The following TMEM38A variants were observed in gnomAD, a reference collection of about 807,000 sequenced individuals.
The protein encoded by TMEM38A is trimeric intracellular cation channel type A.
In TMEM38A, 17 loss-of-function variants were observed where a neutral mutation model predicts 28.6. That is an observed-to-expected ratio of 0.60 (90% confidence interval 0.41 to 0.89). TMEM38A has a LOEUF of 0.89. Among genes scored for constraint, TMEM38A ranks in the 40% least tolerant of loss-of-function variants. The probability of loss-of-function intolerance (pLI) is 0.00; values close to 1 mark genes in which losing one functional copy is unlikely to be tolerated. For missense variants in TMEM38A, 328 were observed against 393.1 expected (o/e 0.83, Z 1.40); for synonymous variants, 169 against 166.1 (o/e 1.02, Z -0.14).
chr19:16,686,278 C>G lies in TMEM38A; in HGVS notation c.555-10C>G. ...AGGCACCTCCCGGTAATGACAGCTG[C>G]TCCCTCCAGCCCCACCAAGGCCAGC... On this transcript the variant is annotated splice_polypyrimidine_tract_variant and intron_variant, in intron 4 of 5. Coordinates refer to ENST00000187762, the MANE Select transcript of TMEM38A (RefSeq NM_024074.4). 1.2e-6 allele frequency: 2 copies of G among 1,608,706 alleles called. No individual in the cohort carries two copies. The highest frequency in any genetic ancestry group is 4.5e-5 in the East Asian group (2 of 44,800).
At chr19:16,682,397 G>C (rs1399381499) in intron 3 of TMEM38A, 24 bp from the exon 4 acceptor site, 1 of 1,610,318 alleles carries the variant, frequency 6.2e-7, no homozygotes, top group Non-Finnish European at 8.5e-7. Flanking sequence ...TGGTGGGCTT[G>C]TTCAGAAGCA....
chr19:16,668,473 G>A (rs1344082936), intron 1 of TMEM38A, among the ~76,000 whole-genome samples: 1 of 151,216 alleles, frequency 6.6e-6, no homozygotes, highest in Non-Finnish European at 1.5e-5. Context: ...TGAACCTGGG[G>A]GGAGGCGGAG....
intron 5 of TMEM38A, among the ~76,000 whole-genome samples, chr19:16,686,808 C>T (rs543474951): frequency 1.2e-4 from 19 of 152,264 alleles, no homozygotes; most frequent in Non-Finnish European, 2.4e-4. Context: ...GGGCTGGGCT[C>T]TCTCCCTCTG....
intron 1 of TMEM38A, among the ~76,000 whole-genome samples, chr19:16,679,299 ATG>A (rs57623970): frequency 0.18 from 15,986 of 89,454 alleles, 2,073 homozygotes; most frequent in African/African-American, 0.41. Context: ...GTGTGTGTGT[ATG>A]TGTGTGTTTT....
intron 1 of TMEM38A, among the ~76,000 whole-genome samples, chr19:16,671,129 T>G (rs1469668491): frequency 1.3e-5 from 2 of 151,036 alleles, no homozygotes; most frequent in African/African-American, 2.4e-5. Context: ...GTTGAAAACC[T>G]ATTGGCTTCA....
chr19:16,665,300 A>T (rs1036260843), intron 1 of TMEM38A, among the ~76,000 whole-genome samples: 1 of 152,162 alleles, frequency 6.6e-6, no homozygotes, highest in African/African-American at 2.4e-5. Context: ...GTCTCAATAA[A>T]CAAATAAATA....
At position 16,680,136 on chromosome 19, in the gene TMEM38A, G is replaced by C. The variant is rs752727948; in HGVS notation, c.277G>C (p.Val93Leu). Residue 93 changes from valine to leucine, a missense_variant, in exon 2 of 6, where the codon GTC becomes CTC. By Grantham distance (32) the Val-to-Leu change is conservative. Coordinates refer to ENST00000187762, the MANE Select transcript of TMEM38A (RefSeq NM_024074.4). Reference sequence around the variant, plus strand: ...CTCCAGCATCCTGCTGGCCTCAGCTGTCTGGTAAGCCATGCTGGGCATGGG... The same window carrying C: ...CTCCAGCATCCTGCTGGCCTCAGCTCTCTGGTAAGCCATGCTGGGCATGGG... ...NNSSILLASA[V>L]WYLIFFCPLD... 1.2e-6 allele frequency: 2 copies of C among 1,607,746 alleles called. No homozygotes were observed. Among genetic ancestry groups the C allele is most frequent in the Non-Finnish European group, 1.7e-6 (2 of 1,179,840 alleles).
chr19:16,672,466 T>TTTTTTTTTTTTA (rs3067283), intron 1 of TMEM38A, among the ~76,000 whole-genome samples: 2 of 149,658 alleles, frequency 1.3e-5, no homozygotes, highest in Non-Finnish European at 1.5e-5. Context: ...TTTTTTTTTT[T>TTTTTTTTTTTTA]GAGGCAGAGT....
rs187830214 is a variant in TMEM38A at position 16,682,188 on chromosome 19, T to C, written c.467-233T>C. On this transcript the variant is annotated intron_variant, in intron 3 of 5. Coordinates refer to ENST00000187762, the MANE Select transcript of TMEM38A (RefSeq NM_024074.4). ...AAGACCTGCCTTGCAGGTGGGGACATGACTGATTCCTTTAGGTGGCTTTTG... is the reference window on the plus strand; with the variant it reads ...AAGACCTGCCTTGCAGGTGGGGACACGACTGATTCCTTTAGGTGGCTTTTG... Among the ~76,000 whole-genome samples, 143 of 152,190 alleles carry C rather than the reference T, an allele frequency of 9.4e-4. 1 individual carries two copies. Among genetic ancestry groups the C allele is most frequent in the Non-Finnish European group, 1.1e-3 (74 of 68,000 alleles).
intron 3 of TMEM38A, chr19:16,680,884 GT>G (rs1207680515): frequency 2.7e-6 from 1 of 368,080 alleles, no homozygotes; most frequent in Non-Finnish European, 5.1e-6. Flanking sequence ...ATTCTTTGTG[GT>G]GGGGGCTGCC....
rs1461896604 is a variant in TMEM38A, at chr19:16,688,245, C to G, written c.774C>G (p.His258Gln). ...GTTCGGCCTGCGGGGGTGACCATCA[C>G]CACGACAACCATGGTGGGTCCCACA... ...LFGSACGGDH[H>Q]HDNHGGSHSG... Residue 258 changes from histidine to glutamine, a missense_variant, in exon 6 of 6, where the codon CAC becomes CAG. Transcript: ENST00000187762. 6.2e-7 allele frequency: 1 copy of G among 1,600,280 alleles called. No homozygotes were observed. Among genetic ancestry groups the G allele is most frequent in the African/African-American group, 1.3e-5 (1 of 74,268 alleles).
At chr19:16,681,813 C>G (rs778228393) in intron 3 of TMEM38A, among the ~76,000 whole-genome samples, 1 of 152,120 alleles carries the variant, frequency 6.6e-6, no homozygotes, top group Admixed American at 6.6e-5. Context: ...GCCCCAGATG[C>G]GATTCCCTGG....
Position 16,661,869 on chromosome 19 carries a change from T to TA in TMEM38A, c.124+528_124+529insA, listed in dbSNP as rs2122569882. Among the ~76,000 whole-genome samples the TA allele has an allele frequency of 6.6e-6, 1 of 151,806 alleles. No individual in the cohort carries two copies. Among genetic ancestry groups the TA allele is most frequent in the South Asian group, 2.1e-4 (1 of 4,802 alleles). On this transcript the variant is annotated intron_variant, in intron 1 of 5. Transcript: ENST00000187762. This position sits in a 1 kb window ranked among gnomAD's most constrained non-coding sequence, Gnocchi z 6.5. ...CCCAGCACCCTCCACTCCCCTCCCT[T>TA]CCCCCACGGTGCTGAATCTCCGAGC...
intron 1 of TMEM38A, among the ~76,000 whole-genome samples, chr19:16,669,663 A>G (rs746929063): frequency 6.6e-6 from 1 of 152,176 alleles, no homozygotes; most frequent in Non-Finnish European, 1.5e-5. Flanking sequence ...TCCATTTAAC[A>G]GGGGAGGAAA....
At chr19:16,677,943 G>T (rs996622515) in intron 1 of TMEM38A, among the ~76,000 whole-genome samples, 12 of 152,294 alleles carry the variant, frequency 7.9e-5, no homozygotes, top group Non-Finnish European at 1.8e-4. Context: ...AACAAAGTTT[G>T]TATGGTTTCG....
At position 16,680,087 on chromosome 19, in the gene TMEM38A, A is replaced by G; in HGVS notation, c.228A>G (p.Pro76=). ...TGGCTGATCTGCTCCTTGGGGAGCC[A>G]CTGATCGATTACTTCAGCAACAACT... is the stretch of plus-strand genomic sequence containing the variant. The part of the protein sequence containing the change: ...YILADLLLGE[P]LIDYFSNNSS... Residue 76 remains proline (P), a synonymous_variant, in exon 2 of 6, where the codon CCA becomes CCG. Transcript: ENST00000187762. 1 of 1,611,268 alleles carries G rather than the reference A, an allele frequency of 6.2e-7. No individual in the cohort carries two copies. The highest frequency in any genetic ancestry group is 8.5e-7 in the Non-Finnish European group (1 of 1,180,010).
chr19:16,664,126 G>T (rs959584259), intron 1 of TMEM38A, among the ~76,000 whole-genome samples: 2 of 152,114 alleles, frequency 1.3e-5, no homozygotes, highest in Non-Finnish European at 1.5e-5. Flanking sequence ...AGAAAAGAAA[G>T]GTGTTGGAGG....
chr19:16,675,917 C>G (rs1038382197), intron 1 of TMEM38A, among the ~76,000 whole-genome samples: 4 of 152,062 alleles, frequency 2.6e-5, no homozygotes, highest in Non-Finnish European at 5.9e-5. Context: ...CCTCCTAATG[C>G]TATCACAAGC....
At chr19:16,667,975 G>A (rs1336559160) in intron 1 of TMEM38A, among the ~76,000 whole-genome samples, 2 of 152,004 alleles carry the variant, frequency 1.3e-5, no homozygotes, top group Admixed American at 6.6e-5. Context: ...TTGGGAGGCT[G>A]AGGCTGGTGG....
Sources: gnomAD v4.1 joint callset for allele counts (sites outside exome capture counted in the v4.1 genomes callset) on GRCh38, gnomAD v4.1.1 for gene constraint, Gnocchi (gnomAD v3.1) non-coding constraint, MANE v1.5 for transcripts, NCBI Gene and HGNC (gene_info 2026-07-23, HGNC 2026-07-21) for gene names.